GRM7: variants seen among roughly 807,000 people sequenced by gnomAD.
GRM7 encodes the protein metabotropic glutamate receptor 7.
In GRM7, 35 loss-of-function variants were observed where a neutral mutation model predicts 84.5. The ratio of observed to expected loss-of-function variants is 0.41; its 90% CI spans 0.32 to 0.55. The LOEUF is 0.55. GRM7 is among the 20% of genes least tolerant of loss of function. GRM7 has a pLI of 0.19. For missense variants in GRM7, 1,003 were observed against 1,194.6 expected (o/e 0.84, Z 2.36); for synonymous variants, 487 against 455.1 (o/e 1.07, Z -0.89).
intron 7 of GRM7, among the ~76,000 whole-genome samples, chr3:7,504,588 G>C (rs963887320): frequency 5.3e-5 from 8 of 152,232 alleles, no homozygotes; most frequent in African/African-American, 1.9e-4. Context: ...ACATGGCAGA[G>C]AGCATCACAT....
At chr3:7,461,843 T>C (rs1698261745) in intron 7 of GRM7, 121 bp downstream of exon 7, 1 of 854,276 alleles carries the variant, frequency 1.2e-6, no homozygotes, top group Non-Finnish European at 1.9e-6. Context: ...AGCATGCAAT[T>C]TGTTGTGGGC....
intron 2 of GRM7, among the ~76,000 whole-genome samples, chr3:7,263,185 G>A (rs939986134): frequency 3.9e-4 from 60 of 152,150 alleles, no homozygotes; most frequent in African/African-American, 1.4e-3. Context: ...GAAGATTTTA[G>A]GAGACTGAGC....
At chr3:7,130,955 A>G (rs1206398085) in intron 1 of GRM7, among the ~76,000 whole-genome samples, 4 of 152,180 alleles carry the variant, frequency 2.6e-5, no homozygotes, top group Admixed American at 2.0e-4. Context: ...ACACACACAC[A>G]CACACGCACA....
intron 2 of GRM7, among the ~76,000 whole-genome samples, chr3:7,168,850 A>T (rs1356560040): frequency 6.6e-6 from 1 of 152,158 alleles, no homozygotes; most frequent in Non-Finnish European, 1.5e-5. Flanking sequence ...TCTTGTCTTG[A>T]TATTCACCAT....
intron 4 of GRM7, among the ~76,000 whole-genome samples, chr3:7,317,525 T>G (rs76754442): frequency 0.011 from 1,669 of 152,200 alleles, 38 homozygotes; most frequent in African/African-American, 0.035. Flanking sequence ...TCAATTTACT[T>G]CTAGTCCTAT....
intron 1 of GRM7, among the ~76,000 whole-genome samples, chr3:7,107,151 T>A (rs1255675036): frequency 6.6e-6 from 1 of 152,018 alleles, no homozygotes; most frequent in Non-Finnish European, 1.5e-5. Flanking sequence ...AGCAAACTGT[T>A]ACTGAGCACT....
rs1248364429 is a variant in GRM7 at position 7,579,055 on chromosome 3, G to C, written c.2149G>C (p.Val717Leu). ...SSLISVQLLGVFIWFGVDPPN... is the reference protein window; with the variant it reads ...SSLISVQLLGLFIWFGVDPPN... ...TTTAATATCAGTTCAGCTTCTAGGGGTGTTCATTTGGTTTGGTGTTGATCC... is the reference window on the plus strand; with the variant it reads ...TTTAATATCAGTTCAGCTTCTAGGGCTGTTCATTTGGTTTGGTGTTGATCC... Residue 717 changes from valine (V) to leucine (L), a missense_variant, in exon 8 of 10, where the codon GTG becomes CTG. Physicochemically the swap from Val to Leu is conservative, Grantham distance 32. Around this residue, in one of 2 missense-constraint regions of GRM7, gnomAD observed 910 missense variants for 1,126.0 expected, o/e 0.81. Transcript: ENST00000357716. The C allele has an allele frequency of 6.2e-7, 1 of 1,613,948 alleles. No individual in the cohort carries two copies.
intron 7 of GRM7, among the ~76,000 whole-genome samples, chr3:7,578,112 A>G (rs1345604149): frequency 1.3e-5 from 2 of 152,148 alleles, no homozygotes; most frequent in African/African-American, 4.8e-5. Flanking sequence ...CTTGTTATAA[A>G]TACAGCCCCT....
chr3:7,453,574 C>A (rs759302526), intron 6 of GRM7, among the ~76,000 whole-genome samples: 2 of 152,100 alleles, frequency 1.3e-5, no homozygotes, highest in African/African-American at 4.8e-5. Flanking sequence ...GATCCTAGGG[C>A]AAAGTCTGAA....
At chr3:7,098,650 G>A (rs1698938968) in intron 1 of GRM7, among the ~76,000 whole-genome samples, 1 of 151,888 alleles carries the variant, frequency 6.6e-6, no homozygotes, top group Admixed American at 6.6e-5. Context: ...CTCTTCAGTA[G>A]GACTATAATT....
intron 5 of GRM7, among the ~76,000 whole-genome samples, chr3:7,452,175 C>G (rs142311904): frequency 1.3e-5 from 2 of 152,122 alleles, no homozygotes; most frequent in African/African-American, 4.8e-5. Flanking sequence ...TACTAACAAT[C>G]GAGACAGGCA....
At chr3:7,399,978 A>C (rs894688251) in intron 4 of GRM7, among the ~76,000 whole-genome samples, 2 of 152,142 alleles carry the variant, frequency 1.3e-5, no homozygotes, top group African/African-American at 4.8e-5. Flanking sequence ...ACAAGTACCT[A>C]CCTCAGAGGT....
At chr3:7,229,603 G>T (rs1043903185) in intron 2 of GRM7, among the ~76,000 whole-genome samples, 10 of 150,382 alleles carry the variant, frequency 6.6e-5, no homozygotes, top group Non-Finnish European at 1.2e-4. Context: ...TATTCTGCAA[G>T]AATAACGGAA....
At chr3:7,258,723 G>A (rs1293888050) in intron 2 of GRM7, among the ~76,000 whole-genome samples, 2 of 152,194 alleles carry the variant, frequency 1.3e-5, no homozygotes, top group African/African-American at 2.4e-5. Context: ...AGTAGGCCTA[G>A]GAATATTTTC....
intron 1 of GRM7, among the ~76,000 whole-genome samples, chr3:6,870,007 C>G (rs1250023286): frequency 1.3e-5 from 2 of 152,124 alleles, no homozygotes; most frequent in Non-Finnish European, 2.9e-5. Flanking sequence ...CTCTCCTTCT[C>G]CTTTCCTCTT....
intron 7 of GRM7, among the ~76,000 whole-genome samples, chr3:7,540,477 C>A (rs367887996): frequency 1.1e-4 from 17 of 152,124 alleles, no homozygotes; most frequent in Admixed American, 5.2e-4. Flanking sequence ...TAGCTAGATA[C>A]CCAAAAAACA....
chr3:7,380,254 G>A (rs906499859), intron 4 of GRM7, among the ~76,000 whole-genome samples: 2 of 152,164 alleles, frequency 1.3e-5, no homozygotes, highest in African/African-American at 4.8e-5. Flanking sequence ...ATGCCCTCAA[G>A]TAGTTTTAAC....
rs569396453 is a variant in GRM7, at chr3:7,656,318, G to T, written c.2452-23731G>T. 1.1e-4 allele frequency among the ~76,000 whole-genome samples: 17 copies of T among 152,050 alleles called. No homozygotes were observed. In the South Asian group the frequency reaches 3.5e-3, roughly 32 times the overall value. On this transcript the variant is annotated intron_variant, in intron 8 of 9. Coordinates refer to ENST00000357716, the MANE Select transcript of GRM7 (RefSeq NM_000844.4). ...AGCCTGGCCAATATGGCAAAACCCT[G>T]TCTCTACCAAAAATATAGCTATTAA...
rs569087805 is a variant in GRM7 at position 6,903,407 on chromosome 3, A to G, written c.519+41500A>G. Among the ~76,000 whole-genome samples, 3 of 152,206 alleles carry G rather than the reference A, an allele frequency of 2.0e-5. No homozygotes were observed. The South Asian group carries it at 6.2e-4, about 32-fold the overall frequency. ...CAAAATAGTAGTGACTACAAATCAC[A>G]TCCTAGGTCTTAATTTTTCATGATA... On this transcript the variant is annotated intron_variant, in intron 1 of 9. Coordinates refer to ENST00000357716, the MANE Select transcript of GRM7 (RefSeq NM_000844.4).
Sources: allele counts gnomAD v4.1 joint callset (sites outside exome capture counted in the v4.1 genomes callset), GRCh38; gene constraint gnomAD v4.1.1; regional missense constraint gnomAD v4.1.1; transcripts MANE v1.5; gene names NCBI Gene and HGNC (gene_info 2026-07-23, HGNC 2026-07-21).